Variants in CACNA1E observed in about 807,000 individuals in gnomAD.
The protein encoded by CACNA1E is calcium voltage-gated channel subunit alpha1 E, also known as voltage-dependent R-type calcium channel subunit alpha-1E.
A neutral mutation model predicts 259.2 loss-of-function variants in CACNA1E; 40 were observed. That is an observed-to-expected ratio of 0.15 (90% CI 0.12 to 0.20). The LOEUF is 0.20. CACNA1E is among the 10% of genes least tolerant of loss of function. The pLI, the probability that CACNA1E is intolerant of heterozygous loss-of-function variation, is 1.00. For missense variants in CACNA1E, 1,874 were observed against 3,040.1 expected (o/e 0.62, Z 9.02); for synonymous variants, 1,104 against 1,138.5 (o/e 0.97, Z 0.61).
intron 7 of CACNA1E, among the ~76,000 whole-genome samples, chr1:181,682,528 A>G (rs1258230209): frequency 3.3e-5 from 5 of 152,224 alleles, no homozygotes; most frequent in Middle Eastern, 6.8e-3. Flanking sequence ...TATTTCCTCA[A>G]TGGCTGGTTG....
chr1:181,323,145 C>T (rs1365220528), intron 1 of CACNA1E, among the ~76,000 whole-genome samples: 1 of 152,206 alleles, frequency 6.6e-6, no homozygotes, highest in Non-Finnish European at 1.5e-5. Context: ...GTGTATGCCT[C>T]TCTTAAGTGC....
chr1:181,744,443 G>T (rs1656867795), intron 25 of CACNA1E, among the ~76,000 whole-genome samples: 1 of 152,152 alleles, frequency 6.6e-6, no homozygotes, highest in Admixed American at 6.5e-5. Flanking sequence ...TTCCGGATTT[G>T]CTTGTGGGAT....
chr1:181,463,027 G>C (rs1402166513), intron 2 of CACNA1E, among the ~76,000 whole-genome samples: 1 of 152,122 alleles, frequency 6.6e-6, no homozygotes, highest in Non-Finnish European at 1.5e-5. Context: ...TGGAATTGCT[G>C]AGTTTAGGAA....
chr1:181,358,659 G>A (rs1653634001), intron 1 of CACNA1E, among the ~76,000 whole-genome samples: 2 of 152,292 alleles, frequency 1.3e-5, no homozygotes, highest in Admixed American at 1.3e-4. Flanking sequence ...CAGGAGGAGT[G>A]TTAGTGAGTG....
At chr1:181,762,521 C>CTTTT in intron 32 of CACNA1E, 53 bp from the exon 33 acceptor site, 2 of 944,508 alleles carry the variant, frequency 2.1e-6, no homozygotes, top group South Asian at 1.5e-5. Context: ...GTCTTTTCTC[C>CTTTT]TTTTTTTTTT....
intron 6 of CACNA1E, among the ~76,000 whole-genome samples, chr1:181,584,035 G>C (rs1202372625): frequency 6.6e-6 from 1 of 152,110 alleles, no homozygotes; most frequent in African/African-American, 2.4e-5. Context: ...CTCTTCACCT[G>C]GGCTGGAGGT....
chr1:181,644,017 G>T (rs541180934), intron 6 of CACNA1E, among the ~76,000 whole-genome samples: 2 of 152,300 alleles, frequency 1.3e-5, no homozygotes, highest in South Asian at 2.1e-4. Flanking sequence ...TCCTGGCTGG[G>T]TGGCAGCAGG....
At chr1:181,770,595 C>T (rs913915241) in intron 35 of CACNA1E, among the ~76,000 whole-genome samples, 3 of 152,206 alleles carry the variant, frequency 2.0e-5, no homozygotes, top group African/African-American at 7.2e-5. Context: ...TTGGCCTGGA[C>T]TTCATTTTAG....
At chr1:181,332,476 G>C (rs1349169896) in intron 1 of CACNA1E, among the ~76,000 whole-genome samples, 5 of 152,182 alleles carry the variant, frequency 3.3e-5, no homozygotes, top group Non-Finnish European at 4.4e-5. Flanking sequence ...TGTTAAGTGT[G>C]TATAATATCA....
chr1:181,361,975 A>G (rs1653914809), intron 1 of CACNA1E, among the ~76,000 whole-genome samples: 1 of 152,230 alleles, frequency 6.6e-6, no homozygotes, highest in South Asian at 2.1e-4. Context: ...TGGCTATCAC[A>G]TTGATTATAA....
At chr1:181,683,484 A>C (rs1019191651) in intron 7 of CACNA1E, among the ~76,000 whole-genome samples, 5 of 152,186 alleles carry the variant, frequency 3.3e-5, no homozygotes, top group Non-Finnish European at 7.3e-5. Flanking sequence ...CAAGTTTGTT[A>C]CATAGGTAAA....
At chr1:181,639,004 T>TGCAATA (rs1657494670) in intron 6 of CACNA1E, among the ~76,000 whole-genome samples, 1 of 152,194 alleles carries the variant, frequency 6.6e-6, no homozygotes, top group East Asian at 1.9e-4. Context: ...CATGTACAAT[T>TGCAATA]GCAATAGCAC....
chr1:181,352,209 G>A (rs1320931271), intron 1 of CACNA1E, among the ~76,000 whole-genome samples: 1 of 152,152 alleles, frequency 6.6e-6, no homozygotes, highest in African/African-American at 2.4e-5. Flanking sequence ...AGAAGTTTGG[G>A]GTGGCAGAAG....
chr1:181,634,011 G>A (rs1656982528), intron 6 of CACNA1E, among the ~76,000 whole-genome samples: 1 of 152,186 alleles, frequency 6.6e-6, no homozygotes, highest in African/African-American at 2.4e-5. Context: ...GCTGGAGAAG[G>A]CATCACAGAC....
intron 6 of CACNA1E, among the ~76,000 whole-genome samples, chr1:181,639,381 C>G (rs1657543772): frequency 6.6e-6 from 1 of 152,216 alleles, no homozygotes; most frequent in Non-Finnish European, 1.5e-5. Flanking sequence ...AGCCACCACG[C>G]CCAGCCGAGT....
chr1:181,356,160 C>T (rs993416665), intron 1 of CACNA1E, among the ~76,000 whole-genome samples: 29 of 152,310 alleles, frequency 1.9e-4, no homozygotes, highest in Non-Finnish European at 2.9e-4. Flanking sequence ...AGACTAGGCT[C>T]ACTGGCCAAC....
At chr1:181,466,380 T>C (rs1662158638) in intron 2 of CACNA1E, among the ~76,000 whole-genome samples, 1 of 128,394 alleles carries the variant, frequency 7.8e-6, no homozygotes, top group African/African-American at 3.2e-5. Flanking sequence ...ATATTTCTAC[T>C]TAAAAAAAAA....
chr1:181,628,962 C>A (rs1035824796), intron 6 of CACNA1E, among the ~76,000 whole-genome samples: 26 of 152,148 alleles, frequency 1.7e-4, no homozygotes, highest in African/African-American at 6.0e-4. Flanking sequence ...AATACTATGT[C>A]TCAGGCCCAG....
At chr1:181,739,291 C>T (rs1656341772) in intron 25 of CACNA1E, 38 bp downstream of exon 25, 1 of 1,336,482 alleles carries the variant, frequency 7.5e-7, no homozygotes, top group Non-Finnish European at 1.1e-6. Flanking sequence ...CCTTCCTTCC[C>T]CTCTTCCTGG....
Sources: allele counts gnomAD v4.1 joint callset (sites outside exome capture counted in the v4.1 genomes callset), GRCh38; gene constraint gnomAD v4.1.1; transcripts MANE v1.5; gene names NCBI Gene and HGNC (gene_info 2026-07-23, HGNC 2026-07-21).